Variants in SFMBT1 observed in about 807,000 individuals in gnomAD.
The protein encoded by SFMBT1 is scm-like with four MBT domains protein 1.
In SFMBT1, 32 loss-of-function variants were observed where a neutral mutation model predicts 108.7. The ratio of observed to expected loss-of-function variants is 0.29; its 90% CI spans 0.22 to 0.40. SFMBT1 has a LOEUF of 0.40. Ranked by LOEUF, SFMBT1 falls within the 10% of genes least tolerant of loss-of-function variation. The pLI is 1.00. For synonymous variants in SFMBT1, 348 were observed against 369.5 expected (o/e 0.94, Z 0.67); for missense variants, 816 against 1,059.6 (o/e 0.77, Z 3.19).
chr3:52,929,952 C>T (rs1404300139), intron 8 of SFMBT1, among the ~76,000 whole-genome samples: 1 of 152,236 alleles, frequency 6.6e-6, no homozygotes, highest in Non-Finnish European at 1.5e-5. Flanking sequence ...CCCCATTCAT[C>T]TCCTCATTCC....
At chr3:53,033,533 T>C (rs1559557197) in intron 1 of SFMBT1, among the ~76,000 whole-genome samples, 1 of 152,108 alleles carries the variant, frequency 6.6e-6, no homozygotes, top group African/African-American at 2.4e-5. Flanking sequence ...TATCAAAATT[T>C]TGAAAGAGAT....
chr3:53,013,276 G>A (rs1191719055), intron 1 of SFMBT1, among the ~76,000 whole-genome samples: 3 of 151,628 alleles, frequency 2.0e-5, no homozygotes, highest in African/African-American at 7.3e-5. Flanking sequence ...AAAATGGTAA[G>A]GGTAATCATT....
At chr3:52,980,225 A>C (rs190488677) in intron 1 of SFMBT1, among the ~76,000 whole-genome samples, 1 of 152,324 alleles carries the variant, frequency 6.6e-6, no homozygotes, top group East Asian at 1.9e-4. Context: ...TTTACATCAT[A>C]ACTACACAAA....
intron 1 of SFMBT1, among the ~76,000 whole-genome samples, chr3:53,041,613 G>A (rs1700055010): frequency 1.5e-5 from 2 of 135,176 alleles, no homozygotes; most frequent in African/African-American, 5.4e-5. Context: ...CAGGAGAATT[G>A]CTTGAACCCA....
rs764515424 is a variant in SFMBT1 at position 52,912,636 on chromosome 3, T to C, written c.1632A>G (p.Leu544=). The C allele has an allele frequency of 1.2e-6, 2 of 1,613,596 alleles. No individual in the cohort carries two copies. The highest frequency in any genetic ancestry group is 2.2e-5 in the East Asian group (1 of 44,886). ...TGGGTTTGTAGGCTGCATTGATAAG[T>C]AAAGTGAGGACCTGAGCTCAGTTTT... ...CVLVLREVLT[L]LINAAYKPSR... is the part of the protein sequence containing the mutation. The change falls in exon 16 of 21, where the codon TTA becomes TTG. Residue 544 remains leucine (L), a synonymous_variant. Coordinates refer to ENST00000394752, the MANE Select transcript of SFMBT1 (RefSeq NM_016329.4).
Position 52,954,350 on chromosome 3 carries a change from C to A in SFMBT1, c.90G>T (p.Gly30=), listed in dbSNP as rs1231323686. 2 of 1,613,816 alleles carry A rather than the reference C, an allele frequency of 1.2e-6. No homozygotes were observed. Among genetic ancestry groups the A allele is most frequent in the South Asian group, 2.2e-5 (2 of 91,056 alleles). ...LSWEDYLEET[G]STAVPYGSFK... ...AAGACCCATAGGGAACTGCTGTGGA[C>A]CCTGTTTCTTCTAGATAATCTTCCC... Residue 30 remains glycine, a synonymous_variant, in exon 3 of 21, where the codon GGG becomes GGT. Coordinates refer to ENST00000394752, the MANE Select transcript of SFMBT1 (RefSeq NM_016329.4).
chr3:52,928,619 CAT>C (rs1341930056), intron 8 of SFMBT1: 1 of 37,568 alleles, frequency 2.7e-5, no homozygotes, highest in African/African-American at 6.4e-5. Context: ...CATATATATA[CAT>C]ATATACATAT....
chr3:53,018,234 A>C (rs1017400909), intron 1 of SFMBT1: 1 of 152,294 alleles, frequency 6.6e-6, no homozygotes, highest in African/African-American at 2.4e-5. Context: ...TCCATCTCGA[A>C]AACAAAACAA....
At chr3:52,936,150 C>T (rs1353878531) in intron 4 of SFMBT1, among the ~76,000 whole-genome samples, 1 of 152,092 alleles carries the variant, frequency 6.6e-6, no homozygotes, top group Non-Finnish European at 1.5e-5. Context: ...CAGCTTTTAA[C>T]GGTTACTACA....
chr3:52,910,905 G>T, intron 17 of SFMBT1, 98 bp downstream of exon 17: 2 of 1,021,480 alleles, frequency 2.0e-6, no homozygotes, highest in South Asian at 1.4e-5. Context: ...AAGTTCGTGT[G>T]CCTCTGCTAT....
Position 52,913,483 on chromosome 3 carries a change from TAAG to T in SFMBT1, c.1612_1614del (p.Leu538del). The T allele has an allele frequency of 6.2e-7, 1 of 1,613,418 alleles. No homozygotes were observed. The highest frequency in any genetic ancestry group is 8.5e-7 in the Non-Finnish European group (1 of 1,179,818). On this transcript the variant is annotated inframe_deletion, in exon 15 of 21. Coordinates refer to ENST00000394752, the MANE Select transcript of SFMBT1 (RefSeq NM_016329.4). ...GCTCTAGGCCAGAACCTTACCTCTC[TAAG>T]GACCAGAACACAGTTCCCAGGTCCT...
intron 1 of SFMBT1, among the ~76,000 whole-genome samples, chr3:53,041,867 T>C (rs980720499): frequency 8.5e-4 from 129 of 152,264 alleles, no homozygotes; most frequent in African/African-American, 2.9e-3. Context: ...AATAACTATG[T>C]ATATACAGAA....
At chr3:52,912,174 G>C (rs891327476) in intron 16 of SFMBT1, among the ~76,000 whole-genome samples, 9 of 151,728 alleles carry the variant, frequency 5.9e-5, no homozygotes, top group Non-Finnish European at 1.3e-4. Context: ...CTGATTCTGT[G>C]AATTTTTTTT....
chr3:52,906,653 T>C (rs993979408), intron 19 of SFMBT1, among the ~76,000 whole-genome samples: 3 of 152,226 alleles, frequency 2.0e-5, no homozygotes, highest in Non-Finnish European at 4.4e-5. Context: ...TATACATATG[T>C]TATAAAATGT....
intron 1 of SFMBT1, among the ~76,000 whole-genome samples, chr3:53,026,704 G>T (rs1575447173): frequency 6.6e-6 from 1 of 152,240 alleles, no homozygotes. Context: ...GTTCTTAGCC[G>T]CACTCTCAAA....
At chr3:52,997,079 A>G (rs1343999377) in intron 1 of SFMBT1, among the ~76,000 whole-genome samples, 1 of 149,170 alleles carries the variant, frequency 6.7e-6, no homozygotes, top group African/African-American at 2.4e-5. Flanking sequence ...AAAAAAAAAC[A>G]AAAACAAAAA....
intron 4 of SFMBT1, among the ~76,000 whole-genome samples, chr3:52,941,331 C>T (rs762388958): frequency 3.0e-4 from 45 of 152,060 alleles, no homozygotes; most frequent in Non-Finnish European, 5.7e-4. Flanking sequence ...CGGTGGCTCA[C>T]GCCTGTAATC....
At chr3:53,008,970 C>T (rs939982497) in intron 1 of SFMBT1, among the ~76,000 whole-genome samples, 1 of 151,150 alleles carries the variant, frequency 6.6e-6, no homozygotes, top group East Asian at 2.0e-4. Flanking sequence ...TCTTGATATC[C>T]TACTCTGTAA....
chr3:52,940,049 C>CT (rs1180639204), intron 4 of SFMBT1, among the ~76,000 whole-genome samples: 1 of 151,928 alleles, frequency 6.6e-6, no homozygotes, highest in African/African-American at 2.4e-5. Context: ...TGTTTCTACT[C>CT]TTTTTTCACT....
Sources: gnomAD v4.1 joint callset for allele counts (sites outside exome capture counted in the v4.1 genomes callset) on GRCh38, gnomAD v4.1.1 for gene constraint, MANE v1.5 for transcripts, NCBI Gene and HGNC (gene_info 2026-07-23, HGNC 2026-07-21) for gene names.